The following LONP2 variants were observed in gnomAD, a reference collection of about 807,000 sequenced individuals.
The protein encoded by LONP2 is lon peptidase 2, peroxisomal.
In LONP2, 60 loss-of-function variants were observed where a neutral mutation model predicts 85.6. That is an observed-to-expected ratio of 0.70 (90% CI 0.57 to 0.87). The LOEUF is 0.87. Among genes scored for constraint, LONP2 ranks in the 40% least tolerant of loss-of-function variants. The probability of loss-of-function intolerance (pLI) is 0.00; values close to 1 mark genes in which losing one functional copy is unlikely to be tolerated. For missense variants in LONP2, 860 were observed against 1,063.5 expected (o/e 0.81, Z 2.66); for synonymous variants, 395 against 389.7 (o/e 1.01, Z -0.16).
intron 11 of LONP2, among the ~76,000 whole-genome samples, chr16:48,329,536 C>A (rs1377699631): frequency 6.6e-6 from 1 of 152,126 alleles, no homozygotes; most frequent in African/African-American, 2.4e-5. Flanking sequence ...TGTTGTAAAT[C>A]TCTTACTTTG....
Position 48,354,079 on chromosome 16 carries a change from T to TGGG in LONP2, c.*2283_*2285dup, listed in dbSNP as rs60798968. 3.5e-4 allele frequency: 6 copies of TGGG among 17,362 alleles called. No individual in the cohort carries two copies. Among genetic ancestry groups the TGGG allele is most frequent in the Admixed American group, 9.9e-4 (1 of 1,014 alleles). The allele number at this position is 17,362 out of a possible 1,614,324, so 1.1% of individuals were successfully genotyped here. A position where few individuals can be genotyped will look rare whatever the true frequency, so the allele number is the denominator to read the frequency against. On this transcript the variant is annotated 3_prime_UTR_variant, in exon 15 of 15. Transcript: ENST00000285737. ...CTTTTTCACCTGGGTTTTTTTTTTTTGGGGGGGGTGGGGGGTTAGGGGTGG... is the reference window on the plus strand; with the variant it reads ...CTTTTTCACCTGGGTTTTTTTTTTTTGGGGGGGGGGGTGGGGGGTTAGGGGTGG...
In LONP2 at chr16:48,353,489, C is replaced by CCTGT. The variant is rs1960220300; in HGVS notation, c.*1690_*1693dup. On this transcript the variant is annotated 3_prime_UTR_variant, in exon 15 of 15. Coordinates refer to ENST00000285737, the MANE Select transcript of LONP2 (RefSeq NM_031490.5). ...AGCACCCTGGGCGACAGAGTGAGAC[C>CCTGT]CTGTCTCAAAAAAAAAAAAAAAAAA... The CCTGT allele has an allele frequency of 8.4e-6, 1 of 118,474 alleles. No individual in the cohort carries two copies. Among genetic ancestry groups the CCTGT allele is most frequent in the African/African-American group, 3.3e-5 (1 of 30,180 alleles). 7.3% of individuals were successfully genotyped at this position (118,474 alleles called of 1,614,324 possible).
intron 11 of LONP2, among the ~76,000 whole-genome samples, chr16:48,316,670 A>G (rs1370475419): frequency 2.0e-5 from 3 of 152,058 alleles, no homozygotes; most frequent in Non-Finnish European, 4.4e-5. Flanking sequence ...TTCTCCATTG[A>G]TATTTTCTAT....
At chr16:48,319,247 G>T (rs907857721) in intron 11 of LONP2, among the ~76,000 whole-genome samples, 7 of 152,158 alleles carry the variant, frequency 4.6e-5, no homozygotes, top group Middle Eastern at 3.4e-3. Flanking sequence ...TGGGCATGGT[G>T]GTGGGTGCCT....
chr16:48,335,804 A>G (rs937698878), intron 12 of LONP2, among the ~76,000 whole-genome samples: 1 of 152,230 alleles, frequency 6.6e-6, no homozygotes, highest in East Asian at 1.9e-4. Flanking sequence ...CTCAGTTACA[A>G]GAATAGAACT....
chr16:48,302,334 CTTT>C (rs913772677), intron 10 of LONP2, among the ~76,000 whole-genome samples: 1 of 152,172 alleles, frequency 6.6e-6, no homozygotes, highest in African/African-American at 2.4e-5. Context: ...TTTTATCTGT[CTTT>C]TCTCAGAACT....
At chr16:48,296,541 A>G (rs1488068423) in intron 9 of LONP2, among the ~76,000 whole-genome samples, 1 of 152,146 alleles carries the variant, frequency 6.6e-6, no homozygotes, top group African/African-American at 2.4e-5. Context: ...CAGCCTGGCC[A>G]ACGTGGTGAA....
intron 8 of LONP2, among the ~76,000 whole-genome samples, chr16:48,289,201 T>C (rs1972509765): frequency 6.6e-6 from 1 of 152,120 alleles, no homozygotes; most frequent in Non-Finnish European, 1.5e-5. Flanking sequence ...TTAGGAAGTA[T>C]ATTTGGCCAA....
chr16:48,270,079 T>G lies in LONP2; in HGVS notation c.1046T>G (p.Leu349Trp). Reference protein sequence around the residue: ...LDNDHYAMEKLKKRVLEYLAV... With the variant: ...LDNDHYAMEKWKKRVLEYLAV... The stretch of plus-strand genomic sequence containing the variant: ...AATGACCATTACGCCATGGAAAAAT[T>G]GAAGAAAAGAGTACTGGAATACTTG... The change falls in exon 7 of 15, where the codon TTG (leucine) becomes TGG (tryptophan). Residue 349 changes from leucine (L) to tryptophan (W), a missense_variant. This residue lies in a region of LONP2 where 743 missense variants were observed against 917.3 expected (regional missense o/e 0.81). Coordinates refer to ENST00000285737, the MANE Select transcript of LONP2 (RefSeq NM_031490.5). 1 of 1,613,938 alleles carries G rather than the reference T, an allele frequency of 6.2e-7. No homozygotes were observed. The highest frequency in any genetic ancestry group is 1.7e-5 in the Admixed American group (1 of 59,992).
chr16:48,299,666 T>C lies in LONP2; in HGVS notation c.1539T>C (p.Tyr513=). The C allele has an allele frequency of 6.2e-7, 1 of 1,612,002 alleles. No homozygotes were observed. The highest frequency in any genetic ancestry group is 1.1e-5 in the South Asian group (1 of 90,696). ...ACAAGATCTCTTCTTTTCCAGGTTATACACAGGAGGAGAAGATAGAGATTG... is the reference window on the plus strand; with the variant it reads ...ACAAGATCTCTTCTTTTCCAGGTTACACACAGGAGGAGAAGATAGAGATTG... ...DRMEIIQVPG[Y]TQEEKIEIAH... The change falls in exon 10 of 15, where the codon TAT becomes TAC. Residue 513 remains tyrosine, a synonymous_variant. Coordinates refer to ENST00000285737, the MANE Select transcript of LONP2 (RefSeq NM_031490.5).
At chr16:48,249,694 C>A (rs981622751) in intron 1 of LONP2, among the ~76,000 whole-genome samples, 1 of 150,320 alleles carries the variant, frequency 6.7e-6, no homozygotes, top group Non-Finnish European at 1.5e-5. Flanking sequence ...TGGTCAACAT[C>A]ATGAGATCCC....
At chr16:48,307,112 C>A (rs1972926827) in intron 11 of LONP2, among the ~76,000 whole-genome samples, 1 of 152,072 alleles carries the variant, frequency 6.6e-6, no homozygotes, top group South Asian at 2.1e-4. Context: ...TCTTAACTGG[C>A]AGTTAAAGAG....
At chr16:48,306,575 G>C (rs190722025) in intron 11 of LONP2, among the ~76,000 whole-genome samples, 2 of 152,128 alleles carry the variant, frequency 1.3e-5, no homozygotes, top group Non-Finnish European at 2.9e-5. Context: ...TCTTGGAGAC[G>C]ATTTTGGGTG....
At chr16:48,244,906 C>T (rs886278516) in intron 1 of LONP2, among the ~76,000 whole-genome samples, 21 of 152,212 alleles carry the variant, frequency 1.4e-4, no homozygotes, top group African/African-American at 5.1e-4. Flanking sequence ...CTCCGCAATT[C>T]CTCGCCCTCG....
At chr16:48,260,598 C>T (rs1283625158) in intron 4 of LONP2, among the ~76,000 whole-genome samples, 1 of 152,058 alleles carries the variant, frequency 6.6e-6, no homozygotes, top group Non-Finnish European at 1.5e-5. Context: ...GACCTTGTCT[C>T]AAAAAATAAA....
chr16:48,259,435 C>G (rs1281819095), intron 4 of LONP2, among the ~76,000 whole-genome samples: 1 of 152,130 alleles, frequency 6.6e-6, no homozygotes, highest in Non-Finnish European at 1.5e-5. Flanking sequence ...CTACCTTGAT[C>G]TGCTGATTTT....
chr16:48,298,671 T>TGTGTGTG (rs1972731709), intron 9 of LONP2, among the ~76,000 whole-genome samples: 1 of 65,600 alleles, frequency 1.5e-5, no homozygotes, highest in Admixed American at 1.6e-4. Flanking sequence ...GTGTGTGTGT[T>TGTGTGTG]TCAAGTATAG....
rs1280324471 is a variant in LONP2, at chr16:48,352,650, G to T, written c.*848G>T. On this transcript the variant is annotated 3_prime_UTR_variant, in exon 15 of 15. Transcript: ENST00000285737. The stretch of plus-strand genomic sequence containing the variant: ...CTGTCTCTAAAAAAAAAAGACTCAA[G>T]TGGACCCTACAATGAAGCCTACACA... 1 of 152,174 alleles carries T rather than the reference G, an allele frequency of 6.6e-6. No individual in the cohort carries two copies. Among genetic ancestry groups the T allele is most frequent in the African/African-American group, 2.4e-5 (1 of 41,394 alleles). The allele number at this position is 152,174 out of a possible 1,614,324, so 9.4% of individuals were successfully genotyped here.
chr16:48,276,513 G>A lies in LONP2; in HGVS notation c.1242-825G>A, dbSNP rs148529613. ...TTAGTAAATTGCTGCTTTAAGTTTT[G>A]CTGGCTTTGTAAAAAAGACACCTTT... On this transcript the variant is annotated intron_variant, in intron 7 of 14. Transcript: ENST00000285737. 4.3e-3 allele frequency among the ~76,000 whole-genome samples: 656 copies of A among 152,188 alleles called. 3 individuals are homozygous for A. Among genetic ancestry groups the A allele is most frequent in the African/African-American group, 0.015 (622 of 41,502 alleles).
Sources: gnomAD v4.1 joint callset for allele counts (sites outside exome capture counted in the v4.1 genomes callset) on GRCh38, gnomAD v4.1.1 for gene constraint, gnomAD v4.1.1 regional missense constraint, MANE v1.5 for transcripts, NCBI Gene and HGNC (gene_info 2026-07-23, HGNC 2026-07-21) for gene names.